Variants in USP21 observed in about 807,000 individuals in gnomAD.
USP21 encodes ubiquitin carboxyl-terminal hydrolase 21.
In USP21, 37 loss-of-function variants were observed where a neutral mutation model predicts 70.8. The ratio of observed to expected loss-of-function variants is 0.52; its 90% CI spans 0.40 to 0.69. The LOEUF (loss-of-function observed/expected upper bound fraction) is 0.69, where lower values mean the gene tolerates loss of function less well. USP21 is among the 30% of genes least tolerant of loss of function. USP21 has a pLI of 0.00. For synonymous variants in USP21, 263 were observed against 283.1 expected, an observed-to-expected ratio of 0.93 and a Z score of 0.71; for missense variants, 584 against 740.8, an observed-to-expected ratio of 0.79 and a Z score of 2.46.
At position 161,164,002 on chromosome 1, in the gene USP21, G is replaced by A. The variant is rs753372598; in HGVS notation, c.1218+21G>A. The A allele has an allele frequency of 3.5e-5, 57 of 1,610,340 alleles. No homozygotes were observed. The highest frequency in any genetic ancestry group is 8.0e-5 in the African/African-American group (6 of 74,824). On this transcript the variant is annotated intron_variant, in intron 9 of 13. Coordinates refer to ENST00000368002, the MANE Select transcript of USP21 (RefSeq NM_001014443.3). This position sits in a 1 kb window ranked among gnomAD's most constrained non-coding sequence, Gnocchi z 4.2. ...CCAAGGTGGGATTCCAGAGGATTCC[G>A]GGGTGGACAGGACAGGGGCTCTGTG...
In USP21 at chr1:161,165,683, C is replaced by G. The variant is rs1658666992; in HGVS notation, c.*236C>G. 1 of 430,892 alleles carries G rather than the reference C, an allele frequency of 2.3e-6. No homozygotes were observed. The highest frequency in any genetic ancestry group is 4.2e-6 in the Non-Finnish European group (1 of 240,940). The allele number at this position is 430,892 out of a possible 1,614,324, so 26.7% of individuals were successfully genotyped here. A position where few individuals can be genotyped will look rare whatever the true frequency, so the allele number is the denominator to read the frequency against. ...TGCCCATGTACAGCCCCCAGACCCT[C>G]TGCAATATCACTTTTTGTGAATAAA... On this transcript the variant is annotated 3_prime_UTR_variant, in exon 14 of 14. Transcript: ENST00000368002.
At chr1:161,163,739 C>T in intron 8 of USP21, 120 bp downstream of exon 8, 1 of 1,354,996 alleles carries the variant, frequency 7.4e-7, no homozygotes, top group Non-Finnish European at 1.1e-6. Context: ...AAATGTGAAG[C>T]TGTGTGAAGA....
At position 161,160,751 on chromosome 1, in the gene USP21, G is replaced by C; in HGVS notation, c.111G>C (p.Glu37Asp). ...LPFAPRARSK[E>D]RRNPASGPNP... The stretch of plus-strand genomic sequence containing the variant: ...TTGCCCCCAGGGCCCGCAGCAAGGA[G>C]CGCAGAAACCCAGCCTCTGGGCCAA... Residue 37 changes from glutamate (E) to aspartate (D), a missense_variant, in exon 3 of 14, where the codon GAG (glutamate) becomes GAC (aspartate). Glu to Asp is a conservative substitution (Grantham distance 45). Transcript: ENST00000368002. 1 of 1,614,226 alleles carries C rather than the reference G, an allele frequency of 6.2e-7. No homozygotes were observed. The highest frequency in any genetic ancestry group is 1.3e-5 in the African/African-American group (1 of 75,068).
rs778073280 is a variant in USP21, at chr1:161,164,168, G to C, written c.1223G>C (p.Gly408Ala). The C allele has an allele frequency of 8.1e-6, 13 of 1,614,066 alleles. No individual in the cohort carries two copies. Among genetic ancestry groups the C allele is most frequent in the Non-Finnish European group, 1.0e-5 (12 of 1,179,948 alleles). Residue 408 changes from glycine to alanine, a missense_variant, in exon 10 of 14, where the codon GGA (glycine) becomes GCA (alanine). Transcript: ENST00000368002. This position sits in a 1 kb window ranked among gnomAD's most constrained non-coding sequence, Gnocchi z 4.2. Reference protein sequence around the residue: ...CDLSLPIPKKGFAGGKVSLRD... With the variant: ...CDLSLPIPKKAFAGGKVSLRD... ...TTTCTTCCCCTTTTCCCCCAGAAAG[G>C]ATTTGCTGGGGGCAAGGTGTCTCTG... is the stretch of plus-strand genomic sequence containing the variant.
Position 161,160,379 on chromosome 1 carries a change from G to A in USP21, c.-149G>A, listed in dbSNP as rs902272912. On this transcript the variant is annotated 5_prime_UTR_variant, in exon 2 of 14. Coordinates refer to ENST00000368002, the MANE Select transcript of USP21 (RefSeq NM_001014443.3). ...ACACGATGCCAGGTACTGGGGATAC[G>A]ATGGCTGATTCGATAGATCTGGTTC... The A allele has an allele frequency of 1.1e-5, 6 of 548,714 alleles. No homozygotes were observed. Among genetic ancestry groups the A allele is most frequent in the Admixed American group, 6.4e-5 (2 of 31,026 alleles). The allele number at this position is 548,714 out of a possible 1,614,324, so 34.0% of individuals were successfully genotyped here.
rs186717254 is a variant in USP21 at position 161,160,920 on chromosome 1, C to A, written c.280C>A (p.Pro94Thr). The stretch of plus-strand genomic sequence containing the variant: ...TCATGGGGTTCCCCTGCCTGGCTCA[C>A]CACCCCCAACAGTGGCTTTGCCTCT... ...ADHGVPLPGSPPPTVALPLPS... is the reference protein window; with the variant it reads ...ADHGVPLPGSTPPTVALPLPS... The change falls in exon 3 of 14, where the codon CCA (proline) becomes ACA (threonine). Residue 94 changes from proline to threonine, a missense_variant. Transcript: ENST00000368002. 2.5e-6 allele frequency: 4 copies of A among 1,614,252 alleles called. No individual in the cohort carries two copies. In the African/African-American group the frequency reaches 5.3e-5, roughly 22 times the overall value.
At position 161,161,646 on chromosome 1, in the gene USP21, G is replaced by A; in HGVS notation, c.601-392G>A. ...CTGAGCTAAGTAAGCTAGGCTGATT[G>A]CAATTGGAGCCAGCAGGAGAAGGGC... On this transcript the variant is annotated intron_variant, in intron 3 of 13. Transcript: ENST00000368002. This position sits in a 1 kb window ranked among gnomAD's most constrained non-coding sequence, Gnocchi z 4.2. 2.6e-6 allele frequency: 1 copy of A among 386,250 alleles called. No homozygotes were observed. Among genetic ancestry groups the A allele is most frequent in the East Asian group, 5.0e-5 (1 of 19,970 alleles). 23.9% of individuals were successfully genotyped at this position (386,250 alleles called of 1,614,324 possible).
Position 161,162,285 on chromosome 1 carries a change from G to A in USP21, c.676G>A (p.Val226Met), listed in dbSNP as rs1161217307. Residue 226 changes from valine to methionine, a missense_variant, in exon 5 of 14, where the codon GTG becomes ATG. Around this residue, in one of 4 missense-constraint regions of USP21, gnomAD observed 87 missense variants for 162.4 expected, o/e 0.54. Coordinates refer to ENST00000368002, the MANE Select transcript of USP21 (RefSeq NM_001014443.3). The surrounding 1 kb of genome is among the most constrained non-coding windows in gnomAD (Gnocchi z 4.1). ...TGCTCCCCAGTGCTTCCTGAATGCT[G>A]TGCTGCAGTGTCTGAGCAGCACTCG... is the stretch of plus-strand genomic sequence containing the variant. ...NLGNTCFLNAVLQCLSSTRPL... is the reference protein window; with the variant it reads ...NLGNTCFLNAMLQCLSSTRPL... 4 of 1,611,110 alleles carry A rather than the reference G, an allele frequency of 2.5e-6. No individual in the cohort carries two copies. The highest frequency in any genetic ancestry group is 1.3e-5 in the African/African-American group (1 of 74,836).
In USP21 at chr1:161,161,209, C is replaced by T. The variant is rs377456378; in HGVS notation, c.569C>T (p.Ser190Phe). The change falls in exon 3 of 14, where the codon TCC becomes TTC. Residue 190 changes from serine to phenylalanine, a missense_variant. Physicochemically the swap from Ser to Phe is radical, Grantham distance 155. This residue lies in a region of USP21 where 284 missense variants were observed against 281.0 expected (regional missense o/e 1.01). Coordinates refer to ENST00000368002, the MANE Select transcript of USP21 (RefSeq NM_001014443.3). The surrounding 1 kb of genome is among the most constrained non-coding windows in gnomAD (Gnocchi z 4.2). Reference protein sequence around the residue: ...HGSFHMISARSSEPFYSDDKM... With the variant: ...HGSFHMISARFSEPFYSDDKM... ...TCCTTCCACATGATATCCGCCCGGT[C>T]CTCTGAGCCTTTCTACTCTGATGAC... 24 of 1,609,138 alleles carry T rather than the reference C, an allele frequency of 1.5e-5. No homozygotes were observed. Among genetic ancestry groups the T allele is most frequent in the East Asian group, 6.7e-5 (3 of 44,784 alleles).
Position 161,162,582 on chromosome 1 carries a change from C to A in USP21, c.782-33C>A. The A allele has an allele frequency of 6.4e-7, 1 of 1,570,996 alleles. No individual in the cohort carries two copies. The highest frequency in any genetic ancestry group is 8.8e-7 in the Non-Finnish European group (1 of 1,141,352). On this transcript the variant is annotated intron_variant, in intron 5 of 13. Transcript: ENST00000368002. The surrounding 1 kb of genome is among the most constrained non-coding windows in gnomAD (Gnocchi z 4.1). ...TTGCTTGCCTCTTCCAGACATTAAC[C>A]TTTGTTTGCCTTCCCCACTCCCATC...
chr1:161,163,219 AGAAG>A, intron 7 of USP21, 145 bp downstream of exon 7: 52 of 1,085,228 alleles, frequency 4.8e-5, no homozygotes, highest in South Asian at 6.7e-5. Context: ...ACATAGAAGT[AGAAG>A]GAAGGAAGGA....
At chr1:161,165,175 C>A in intron 13 of USP21, 32 bp downstream of exon 13, 1 of 1,588,242 alleles carries the variant, frequency 6.3e-7, no homozygotes, top group South Asian at 1.1e-5. Context: ...CATCCTGCCC[C>A]ATTCCCACTC....
chr1:161,163,530 C>G, intron 7 of USP21, 25 bp from the exon 8 acceptor site: 1 of 1,613,050 alleles, frequency 6.2e-7, no homozygotes, highest in Non-Finnish European at 8.5e-7. Context: ...CATGGGTGCT[C>G]CCCACTTCCT....
chr1:161,164,310 G>T lies in USP21; in HGVS notation c.1305+60G>T. On this transcript the variant is annotated intron_variant, in intron 10 of 13. Transcript: ENST00000368002. This position sits in a 1 kb window ranked among gnomAD's most constrained non-coding sequence, Gnocchi z 4.2. ...GGGAGACCTGGGGGGACTCCATGTGGATAAAAGGGATTGCATGATGTCTTC... is the reference window on the plus strand; with the variant it reads ...GGGAGACCTGGGGGGACTCCATGTGTATAAAAGGGATTGCATGATGTCTTC... 1 of 1,507,016 alleles carries T rather than the reference G, an allele frequency of 6.6e-7. No homozygotes were observed. The highest frequency in any genetic ancestry group is 9.2e-7 in the Non-Finnish European group (1 of 1,083,094). The allele number at this position is 1,507,016 out of a possible 1,614,324, so 93.4% of individuals were successfully genotyped here. A position where few individuals can be genotyped will look rare whatever the true frequency, so the allele number is the denominator to read the frequency against.
In USP21 at chr1:161,165,659, G is replaced by GC. The variant is rs1444693359; in HGVS notation, c.*215dup. On this transcript the variant is annotated 3_prime_UTR_variant, in exon 14 of 14. Transcript: ENST00000368002. ...CATGTACAAAGCTCACCAAGCCCCT[G>GC]CCCATGTACAGCCCCCAGACCCTCT... 9.4e-6 allele frequency: 5 copies of GC among 534,332 alleles called. No individual in the cohort carries two copies. The highest frequency in any genetic ancestry group is 1.7e-5 in the Non-Finnish European group (5 of 298,290). The allele number at this position is 534,332 out of a possible 1,614,324, so 33.1% of individuals were successfully genotyped here.
chr1:161,165,536 C>G lies in USP21; in HGVS notation c.*89C>G, dbSNP rs530812049. The G allele has an allele frequency of 3.8e-6, 3 of 792,254 alleles. No homozygotes were observed. The highest frequency in any genetic ancestry group is 2.6e-5 in the South Asian group (1 of 38,418). The allele number at this position is 792,254 out of a possible 1,614,324, so 49.1% of individuals were successfully genotyped here. ...ACCTCAGAGACGTCTATTTTTGTGT[C>G]TTTTTAATCGGGGAGGGGGGAGGGG... On this transcript the variant is annotated 3_prime_UTR_variant, in exon 14 of 14. Transcript: ENST00000368002.
rs1364227809 is a variant in USP21, at chr1:161,165,664, T to C, written c.*217T>C. Reference sequence around the variant, plus strand: ...ACAAAGCTCACCAAGCCCCTGCCCATGTACAGCCCCCAGACCCTCTGCAAT... The same window carrying C: ...ACAAAGCTCACCAAGCCCCTGCCCACGTACAGCCCCCAGACCCTCTGCAAT... On this transcript the variant is annotated 3_prime_UTR_variant, in exon 14 of 14. Transcript: ENST00000368002. The C allele has an allele frequency of 1.9e-6, 1 of 531,118 alleles. No homozygotes were observed. The highest frequency in any genetic ancestry group is 1.9e-5 in the African/African-American group (1 of 53,076). 32.9% of individuals were successfully genotyped at this position (531,118 alleles called of 1,614,324 possible).
At chr1:161,160,127 C>T (rs1384728043) in intron 1 of USP21, among the ~76,000 whole-genome samples, 1 of 152,154 alleles carries the variant, frequency 6.6e-6, no homozygotes, top group Non-Finnish European at 1.5e-5. Flanking sequence ...TGCATCTACA[C>T]TACCATTTGG....
Position 161,163,932 on chromosome 1 carries a change from G to T in USP21, c.1169G>T (p.Arg390Leu). ...SCLKCQACGY[R>L]STTFEVFCDL... ...CTCAAGTGCCAGGCCTGTGGGTATC[G>T]CTCCACGACCTTCGAGGTTTTTTGT... is the stretch of plus-strand genomic sequence containing the variant. The change falls in exon 9 of 14, where the codon CGC becomes CTC. Residue 390 changes from arginine (R) to leucine (L), a missense_variant. By Grantham distance (102) the Arg-to-Leu change is moderately radical. Coordinates refer to ENST00000368002, the MANE Select transcript of USP21 (RefSeq NM_001014443.3). 6.2e-7 allele frequency: 1 copy of T among 1,614,134 alleles called. No homozygotes were observed. The highest frequency in any genetic ancestry group is 8.5e-7 in the Non-Finnish European group (1 of 1,180,034).
Sources: gnomAD v4.1 joint callset for allele counts (sites outside exome capture counted in the v4.1 genomes callset) on GRCh38, gnomAD v4.1.1 for gene constraint, gnomAD v4.1.1 regional missense constraint, Gnocchi (gnomAD v3.1) non-coding constraint, MANE v1.5 for transcripts, NCBI Gene and HGNC (gene_info 2026-07-23, HGNC 2026-07-21) for gene names.